Variants in DEFB131A observed in about 807,000 individuals in gnomAD.
The protein encoded by DEFB131A is defensin beta 131A.
DEFB131A carries 5 observed loss-of-function variants against 2.4 expected under a neutral mutation model. That is an observed-to-expected ratio of 2.12 (90% CI 1.11 to 4.47). The LOEUF (loss-of-function observed/expected upper bound fraction) is 4.47. Among genes scored for constraint, DEFB131A ranks in the 30% most tolerant of loss-of-function variants. DEFB131A has a pLI of 0.00. For synonymous variants in DEFB131A, 34 were observed against 25.7 expected (o/e 1.32, Z -0.97); for missense variants, 120 against 79.9 (o/e 1.50, Z -1.91).
At position 9,450,363 on chromosome 4, in the gene DEFB131A, G is replaced by C. The variant is rs1456151738; in HGVS notation, c.62G>C (p.Arg21Thr). Residue 21 changes from arginine (R) to threonine (T), a missense_variant, in exon 2 of 2, where the codon AGA becomes ACA. Transcript: ENST00000334879. ...LSLMFTVPPA[R>T]SFISNDECPS... The stretch of plus-strand genomic sequence containing the variant: ...AATTTGTCTTCTCTTTTTAAAGCCA[G>C]AAGCTTCATTTCTAATGATGAATGT... 1 of 1,555,734 alleles carries C rather than the reference G, an allele frequency of 6.4e-7. No homozygotes were observed. The highest frequency in any genetic ancestry group is 1.9e-5 in the Admixed American group (1 of 52,722).
intron 1 of DEFB131A, among the ~76,000 whole-genome samples, chr4:9,450,087 A>G (rs1717616666): frequency 1.3e-5 from 2 of 152,148 alleles, no homozygotes; most frequent in African/African-American, 4.8e-5. Flanking sequence ...CCCAAGCTGG[A>G]TAATTCATTT....
chr4:9,444,592 G>C lies in DEFB131A; in HGVS notation c.58+1G>C. On this transcript the variant is annotated splice_donor_variant, in intron 1 of 1. Coordinates refer to ENST00000334879, the MANE Select transcript of DEFB131A (RefSeq NM_001040448.3). LOFTEE classifies it high-confidence loss of function. ...TCCTTGATGTTCACAGTTCCTCCAG[G>C]TAAGACAGAAACTTTTTTATTCCAA... The C allele has an allele frequency of 5.2e-6, 8 of 1,540,422 alleles. No homozygotes were observed. Among genetic ancestry groups the C allele is most frequent in the South Asian group, 1.1e-5 (1 of 88,462 alleles).
chr4:9,448,832 T>C (rs1717573560), intron 1 of DEFB131A, among the ~76,000 whole-genome samples: 1 of 152,146 alleles, frequency 6.6e-6, no homozygotes, highest in Non-Finnish European at 1.5e-5. Context: ...CTAAAAGTTC[T>C]AGCAAGAACA....
intron 1 of DEFB131A, among the ~76,000 whole-genome samples, chr4:9,449,258 A>G (rs1473516362): frequency 1.0e-4 from 15 of 143,750 alleles, no homozygotes; most frequent in Non-Finnish European, 1.5e-5. Flanking sequence ...TATCCATACT[A>G]TTCAAAGCAA....
chr4:9,450,028 A>T (rs1480999437), intron 1 of DEFB131A, among the ~76,000 whole-genome samples: 1 of 152,160 alleles, frequency 6.6e-6, no homozygotes, highest in African/African-American at 2.4e-5. Context: ...CAAGAATTTA[A>T]CTCCAGAAGT....
chr4:9,444,798 G>C (rs912878532), intron 1 of DEFB131A, among the ~76,000 whole-genome samples: 1 of 152,078 alleles, frequency 6.6e-6, no homozygotes, highest in Admixed American at 6.6e-5. Context: ...ACTTGAGGCC[G>C]GGCACAGTGG....
At chr4:9,445,100 A>T (rs1379186497) in intron 1 of DEFB131A, among the ~76,000 whole-genome samples, 1 of 152,090 alleles carries the variant, frequency 6.6e-6, no homozygotes, top group East Asian at 1.9e-4. Context: ...AATAATAAAA[A>T]ATAAACTTAC....
chr4:9,447,825 G>T (rs1168816779), intron 1 of DEFB131A, among the ~76,000 whole-genome samples: 1 of 152,046 alleles, frequency 6.6e-6, no homozygotes, highest in Non-Finnish European at 1.5e-5. Flanking sequence ...CCATAACGAT[G>T]AATTCCTCAG....
At chr4:9,449,690 T>G (rs764190233) in intron 1 of DEFB131A, among the ~76,000 whole-genome samples, 1 of 152,064 alleles carries the variant, frequency 6.6e-6, no homozygotes, top group South Asian at 2.1e-4. Context: ...GACTGGTAGG[T>G]TTAAAGGGAA....
At chr4:9,448,103 A>G (rs1717550005) in intron 1 of DEFB131A, among the ~76,000 whole-genome samples, 1 of 151,996 alleles carries the variant, frequency 6.6e-6, no homozygotes, top group African/African-American at 2.4e-5. Flanking sequence ...TGAGAGAATA[A>G]CACGCAAGAT....
chr4:9,445,906 C>T (rs193251783), intron 1 of DEFB131A, among the ~76,000 whole-genome samples: 111 of 152,178 alleles, frequency 7.3e-4, no homozygotes, highest in African/African-American at 2.6e-3. Flanking sequence ...TTACTATGAA[C>T]AGAATAAGAA....
At chr4:9,446,298 G>A (rs1450925597) in intron 1 of DEFB131A, among the ~76,000 whole-genome samples, 1 of 151,882 alleles carries the variant, frequency 6.6e-6, no homozygotes, top group Non-Finnish European at 1.5e-5. Flanking sequence ...ATAAAGTATT[G>A]GTGGATTTTA....
Position 9,450,591 on chromosome 4 carries a change from T to A in DEFB131A, c.*77T>A. The A allele has an allele frequency of 1.3e-6, 2 of 1,514,164 alleles. No individual in the cohort carries two copies. Among genetic ancestry groups the A allele is most frequent in the Non-Finnish European group, 1.8e-6 (2 of 1,124,274 alleles). 93.8% of individuals were successfully genotyped at this position (1,514,164 alleles called of 1,614,324 possible). A position where few individuals can be genotyped will look rare whatever the true frequency, so the allele number is the denominator to read the frequency against. On this transcript the variant is annotated 3_prime_UTR_variant, in exon 2 of 2. Coordinates refer to ENST00000334879, the MANE Select transcript of DEFB131A (RefSeq NM_001040448.3). The stretch of plus-strand genomic sequence containing the variant: ...CTCTCTTATCTATGAATAATTAACA[T>A]GATAGATGAAAATTATTATAATTGC...
chr4:9,444,906 T>C (rs1415080717), intron 1 of DEFB131A, among the ~76,000 whole-genome samples: 2 of 43,356 alleles, frequency 4.6e-5, no homozygotes, highest in Non-Finnish European at 6.3e-5. Flanking sequence ...ACCCCATCTC[T>C]CCAAAAAAAA....
rs574273519 is a variant in DEFB131A at position 9,448,758 on chromosome 4, T to A, written c.59-1602T>A. 8.5e-5 allele frequency among the ~76,000 whole-genome samples: 13 copies of A among 152,270 alleles called. No individual in the cohort carries two copies. In the South Asian group the frequency reaches 2.5e-3, roughly 29 times the overall value. On this transcript the variant is annotated intron_variant, in intron 1 of 1. Transcript: ENST00000334879. The stretch of plus-strand genomic sequence containing the variant: ...TACTCAATGGTGAAAAACTAAAAGC[T>A]TTTCTTCCAAGATCAGGAACAAGGC...
chr4:9,445,261 A>G (rs986801494), intron 1 of DEFB131A, among the ~76,000 whole-genome samples: 1 of 152,124 alleles, frequency 6.6e-6, no homozygotes, highest in Non-Finnish European at 1.5e-5. Flanking sequence ...GGTTCACAGG[A>G]TAAATTCACC....
intron 1 of DEFB131A, among the ~76,000 whole-genome samples, chr4:9,445,070 A>G (rs1343004114): frequency 6.6e-6 from 1 of 152,128 alleles, no homozygotes; most frequent in Non-Finnish European, 1.5e-5. Flanking sequence ...ACAGAGTGAG[A>G]CCCTGTCTCA....
chr4:9,448,106 C>A (rs997617334), intron 1 of DEFB131A, among the ~76,000 whole-genome samples: 15 of 149,404 alleles, frequency 1.0e-4, no homozygotes, highest in Non-Finnish European at 2.2e-4. Context: ...GAGAATAACA[C>A]GCAAGATAAA....
At chr4:9,449,584 G>T (rs1717598806) in intron 1 of DEFB131A, among the ~76,000 whole-genome samples, 1 of 151,622 alleles carries the variant, frequency 6.6e-6, no homozygotes, top group African/African-American at 2.4e-5. Context: ...ACCTGAAACT[G>T]TAAAACTTAT....
Sources: allele counts gnomAD v4.1 joint callset (sites outside exome capture counted in the v4.1 genomes callset), GRCh38; gene constraint gnomAD v4.1.1; transcripts MANE v1.5; gene names NCBI Gene and HGNC (gene_info 2026-07-23, HGNC 2026-07-21).